Variants in AMOT observed in about 807,000 individuals in gnomAD.
AMOT encodes the protein angiomotin.
AMOT carries 11 observed loss-of-function variants against 67.0 expected under a neutral mutation model. The observed-to-expected ratio is 0.16, with a 90% confidence interval of 0.10 to 0.27. AMOT has a LOEUF of 0.27. Ranked by LOEUF, AMOT falls within the 10% of genes least tolerant of loss-of-function variation. The pLI is 1.00. For synonymous variants in AMOT, 326 were observed against 321.4 expected (o/e 1.01, Z -0.15); for missense variants, 753 against 852.0 (o/e 0.88, Z 1.45).
chrX:112,829,047 T>C (rs183401960), intron 2 of AMOT, among the ~76,000 whole-genome samples: 1 of 112,283 alleles, frequency 8.9e-6, no homozygotes, highest in Non-Finnish European at 1.9e-5. Flanking sequence ...CCTCCACAGA[T>C]GGATGTTTCC....
chrX:112,782,647 G>A lies in AMOT; in HGVS notation c.2133C>T (p.Ile711=), dbSNP rs760380656. Residue 711 remains isoleucine, a synonymous_variant, in exon 11 of 14, where the codon ATC becomes ATT. Coordinates refer to ENST00000371959, the MANE Select transcript of AMOT (RefSeq NM_001113490.2). ...TVAAQRDTTV[I]SHSPNTSYDT... is the part of the protein sequence containing the mutation. ...CATAGCTGGTGTTAGGAGAGTGACT[G>A]ATGACTGTTGTGTCCCTGGGGAGGA... The A allele has an allele frequency of 1.9e-5, 23 of 1,208,378 alleles. No homozygotes were observed. In the East Asian group the frequency reaches 6.5e-4, roughly 34 times the overall value.
chrX:112,826,691 G>A (rs568008502), intron 2 of AMOT, among the ~76,000 whole-genome samples: 4 of 111,344 alleles, frequency 3.6e-5, no homozygotes, highest in South Asian at 3.9e-4. Flanking sequence ...GCTTTTAAAC[G>A]CGAGTCCCTG....
At chrX:112,793,638 T>C (rs1027118062) in intron 8 of AMOT, among the ~76,000 whole-genome samples, 15 of 112,572 alleles carry the variant, frequency 1.3e-4, no homozygotes, top group South Asian at 1.1e-3. Flanking sequence ...CCTAGGTAAC[T>C]GGCAAACAAA....
intron 5 of AMOT, among the ~76,000 whole-genome samples, chrX:112,812,035 G>A (rs1372217951): frequency 8.9e-6 from 1 of 112,116 alleles, no homozygotes; most frequent in Non-Finnish European, 1.9e-5. Context: ...CCTCAGGGAG[G>A]TTTCAATCCA....
chrX:112,827,247 T>C (rs1232192289), intron 2 of AMOT, among the ~76,000 whole-genome samples: 1 of 112,606 alleles, frequency 8.9e-6, no homozygotes, highest in African/African-American at 3.2e-5. Context: ...GCCATCTTTG[T>C]CTCTTGTTTA....
chrX:112,806,365 GTA>G lies in AMOT; in HGVS notation c.1631-1275_1631-1274del, dbSNP rs59265644. Reference sequence around the variant, plus strand: ...ATATACATATGTATAAAACGTGTGTGTATATATATATATATATACTTGCATAT... The same window carrying G: ...ATATACATATGTATAAAACGTGTGTGTATATATATATATATACTTGCATAT... On this transcript the variant is annotated intron_variant, in intron 7 of 13. Transcript: ENST00000371959. Among the ~76,000 whole-genome samples, 229 of 99,859 alleles carry G rather than the reference GTA, an allele frequency of 2.3e-3. 2 individuals are homozygous for G. Among genetic ancestry groups the G allele is most frequent in the East Asian group, 0.022 (71 of 3,186 alleles). The allele number at this position is 99,859 out of a possible 115,157, so 86.7% of individuals were successfully genotyped here.
intron 1 of AMOT, among the ~76,000 whole-genome samples, chrX:112,837,181 C>T (rs1935151977): frequency 8.9e-6 from 1 of 112,300 alleles, no homozygotes; most frequent in Non-Finnish European, 1.9e-5. Context: ...TAGCTTTCTT[C>T]TGCAAGCAGT....
intron 3 of AMOT, among the ~76,000 whole-genome samples, chrX:112,824,777 A>C (rs1168421969): frequency 9.0e-6 from 1 of 111,568 alleles, no homozygotes; most frequent in African/African-American, 3.3e-5. Context: ...TAGGCTGACA[A>C]GCATAATATA....
intron 4 of AMOT, 136 bp from the exon 5 acceptor site, chrX:112,816,013 T>C: frequency 1.1e-6 from 1 of 923,829 alleles, no homozygotes; most frequent in Admixed American, 3.8e-5. Context: ...AGGGTCTGAC[T>C]ATGGGGAAGT....
chrX:112,775,349 A>G lies in AMOT; in HGVS notation c.*3218T>C, dbSNP rs1477379122. 8.8e-6 allele frequency: 1 copy of G among 113,013 alleles called. No homozygotes were observed. The highest frequency in any genetic ancestry group is 1.9e-5 in the Non-Finnish European group (1 of 53,359). The allele number at this position is 113,013 out of a possible 1,213,427, so 9.3% of individuals were successfully genotyped here. A position where few individuals can be genotyped will look rare whatever the true frequency, so the allele number is the denominator to read the frequency against. On this transcript the variant is annotated 3_prime_UTR_variant, in exon 14 of 14. Coordinates refer to ENST00000371959, the MANE Select transcript of AMOT (RefSeq NM_001113490.2). ...CAATTGAGATAATAGGAGACTGTGT[A>G]GCTAACAGATATGAGAATATAATTG...
At chrX:112,805,152 G>A (rs1410872307) in intron 7 of AMOT, 60 bp from the exon 8 acceptor site, 9 of 1,178,002 alleles carry the variant, frequency 7.6e-6, no homozygotes, top group Non-Finnish European at 1.0e-5. Context: ...CCTTACCTGA[G>A]CAAAATTGAC....
chrX:112,800,227 T>C (rs1268519056), intron 8 of AMOT, among the ~76,000 whole-genome samples: 1 of 106,953 alleles, frequency 9.3e-6, no homozygotes, highest in Non-Finnish European at 1.9e-5. Context: ...CGAGACTGCA[T>C]CTCAATGAAT....
chrX:112,818,835 C>T (rs1196688001), intron 4 of AMOT, among the ~76,000 whole-genome samples: 7 of 111,087 alleles, frequency 6.3e-5, no homozygotes, highest in African/African-American at 1.3e-4. Flanking sequence ...CAGCCTGAAT[C>T]GCTCCCCACT....
intron 7 of AMOT, among the ~76,000 whole-genome samples, chrX:112,807,108 G>A (rs1038201691): frequency 4.5e-5 from 5 of 111,249 alleles, no homozygotes; most frequent in Non-Finnish European, 9.4e-5. Flanking sequence ...CGACCCACGG[G>A]AAAGGAAACA....
intron 10 of AMOT, among the ~76,000 whole-genome samples, chrX:112,789,585 G>A (rs769184977): frequency 1.2e-4 from 13 of 111,013 alleles, no homozygotes; most frequent in Non-Finnish European, 2.3e-4. Context: ...GATTTGGCAT[G>A]GAAGGACTCA....
At chrX:112,808,474 G>T (rs1248692302) in intron 7 of AMOT, among the ~76,000 whole-genome samples, 1 of 111,852 alleles carries the variant, frequency 8.9e-6, no homozygotes, top group Admixed American at 9.4e-5. Flanking sequence ...ACAGGACCCT[G>T]TCAGTGTCCC....
chrX:112,828,991 T>A (rs1054050017), intron 2 of AMOT, among the ~76,000 whole-genome samples: 8 of 112,087 alleles, frequency 7.1e-5, no homozygotes, highest in African/African-American at 1.3e-4. Context: ...CTTTGCAAAT[T>A]CGCTTTTTAG....
chrX:112,794,461 A>G (rs1450059628), intron 8 of AMOT, among the ~76,000 whole-genome samples: 1 of 111,646 alleles, frequency 9.0e-6, no homozygotes, highest in Non-Finnish European at 1.9e-5. Context: ...AAGGAGAAAA[A>G]GTGCAACTCA....
rs773722300 is a variant in AMOT at position 112,781,198 on chromosome X, T to G, written c.2241-80A>C. ...GGCTTACGCCTGTAATCCCAGCATT[T>G]TGGGAGGCCGAGGTGGGCGGATTGC... On this transcript the variant is annotated intron_variant, in intron 11 of 13. Transcript: ENST00000371959. The G allele has an allele frequency of 5.2e-6, 5 of 953,945 alleles. No homozygotes were observed. The Admixed American group carries it at 1.2e-4, about 23-fold the overall frequency. 78.6% of individuals were successfully genotyped at this position (953,945 alleles called of 1,213,427 possible). A position where few individuals can be genotyped will look rare whatever the true frequency, so the allele number is the denominator to read the frequency against.
Sources: gnomAD v4.1 joint callset for allele counts (sites outside exome capture counted in the v4.1 genomes callset) on GRCh38, gnomAD v4.1.1 for gene constraint, MANE v1.5 for transcripts, NCBI Gene and HGNC (gene_info 2026-07-23, HGNC 2026-07-21) for gene names.